Variants in METTL25 observed in about 807,000 individuals in gnomAD.
METTL25 encodes probable methyltransferase-like protein 25.
In METTL25, 64 loss-of-function variants were observed where a neutral mutation model predicts 71.6. The observed-to-expected ratio is 0.89, with a 90% CI of 0.73 to 1.10. The LOEUF (loss-of-function observed/expected upper bound fraction) is 1.10, where lower values mean the gene tolerates loss of function less well. METTL25 is among the 50% of genes least tolerant of loss of function. The pLI, the probability that METTL25 is intolerant of heterozygous loss-of-function variation, is 0.00. For missense variants in METTL25, 807 were observed against 707.0 expected (o/e 1.14, Z -1.60); for synonymous variants, 287 against 250.3 (o/e 1.15, Z -1.38).
intron 1 of METTL25, among the ~76,000 whole-genome samples, chr12:82,368,473 G>A (rs1157585843): frequency 2.0e-5 from 3 of 152,104 alleles, no homozygotes; most frequent in Non-Finnish European, 4.4e-5. Context: ...TCTTTTGGGG[G>A]ATATATCCGT....
intron 1 of METTL25, among the ~76,000 whole-genome samples, chr12:82,360,678 T>C (rs1349524153): frequency 6.6e-6 from 1 of 152,108 alleles, no homozygotes; most frequent in African/African-American, 2.4e-5. Context: ...CGAGGGAGCC[T>C]ACAAGGTATG....
chr12:82,420,654 A>G (rs182772367), intron 5 of METTL25, among the ~76,000 whole-genome samples: 368 of 152,280 alleles, frequency 2.4e-3, no homozygotes, highest in Middle Eastern at 6.8e-3. Context: ...ATAAATATAT[A>G]TAAGATTAAA....
chr12:82,467,294 T>G (rs920587936), intron 9 of METTL25, among the ~76,000 whole-genome samples: 9 of 152,142 alleles, frequency 5.9e-5, no homozygotes, highest in Admixed American at 2.6e-4. Flanking sequence ...CTCTTATTTA[T>G]TTTTATGATT....
At chr12:82,463,568 A>G (rs1892037105) in intron 9 of METTL25, among the ~76,000 whole-genome samples, 1 of 151,986 alleles carries the variant, frequency 6.6e-6, no homozygotes, top group South Asian at 2.1e-4. Context: ...GCTCTTTGAT[A>G]TATTGATTTC....
chr12:82,474,418 T>C (rs1398121447), intron 9 of METTL25: 4 of 152,232 alleles, frequency 2.6e-5, no homozygotes, highest in Non-Finnish European at 4.4e-5. Flanking sequence ...CTTGTCTCTT[T>C]CTTGTATGGG....
intron 5 of METTL25, chr12:82,407,719 C>A: frequency 3.1e-6 from 2 of 648,476 alleles, no homozygotes; most frequent in Non-Finnish European, 3.8e-6. Flanking sequence ...TCAAATACTT[C>A]GGAGGTCAAG....
At chr12:82,439,764 A>C (rs1195943567) in intron 8 of METTL25, 7 of 465,004 alleles carry the variant, frequency 1.5e-5, no homozygotes, top group Non-Finnish European at 2.0e-5. Flanking sequence ...TATTTACCCT[A>C]AGATGCTAAC....
At chr12:82,369,386 G>A in intron 1 of METTL25, 1 of 407,914 alleles carries the variant, frequency 2.5e-6, no homozygotes, top group Non-Finnish European at 4.8e-6. Context: ...GTTCCTCCCA[G>A]TGGGTTCTTG....
rs544956303 is a variant in METTL25, at chr12:82,413,454, A to G, written c.1279+10324A>G. On this transcript the variant is annotated intron_variant, in intron 5 of 11. Transcript: ENST00000248306. ...GTTTGATAGGTACTGTATTAGAGTT[A>G]TGTATAAGTTACATTCCAAGCATAG... Among the ~76,000 whole-genome samples, 75 of 152,232 alleles carry G rather than the reference A, an allele frequency of 4.9e-4. 1 individual carries two copies. Among genetic ancestry groups the G allele is most frequent in the African/African-American group, 1.7e-3 (70 of 41,572 alleles).
intron 6 of METTL25, among the ~76,000 whole-genome samples, chr12:82,431,959 T>G (rs1889534104): frequency 6.6e-6 from 1 of 151,716 alleles, no homozygotes; most frequent in South Asian, 2.1e-4. Flanking sequence ...AATGGTTGTA[T>G]GAGTATTCAA....
intron 11 of METTL25, among the ~76,000 whole-genome samples, chr12:82,478,490 T>A (rs1893012433): frequency 6.6e-6 from 1 of 151,768 alleles, no homozygotes; most frequent in Admixed American, 6.6e-5. Context: ...CTCTCAAATA[T>A]ATATGGTTAT....
At chr12:82,425,966 A>G (rs544698393) in intron 5 of METTL25, among the ~76,000 whole-genome samples, 1 of 152,182 alleles carries the variant, frequency 6.6e-6, no homozygotes, top group South Asian at 2.1e-4. Flanking sequence ...AAATTATGGA[A>G]GTGAGGCTAG....
At chr12:82,397,636 A>T (rs572862818) in intron 3 of METTL25, among the ~76,000 whole-genome samples, 22 of 151,850 alleles carry the variant, frequency 1.4e-4, no homozygotes, top group Admixed American at 3.3e-4. Flanking sequence ...GCAGACAAAA[A>T]TTTTTTTTCT....
rs765823431 is a variant in METTL25 at position 82,362,426 on chromosome 12, A to C, written c.259+3602A>C. On this transcript the variant is annotated intron_variant, in intron 1 of 11. Transcript: ENST00000248306. ...GTAACTTTAGTACCTGCCTGATGGGATACTGTGAAAGGTAATTCAGCTAAT... is the reference window on the plus strand; with the variant it reads ...GTAACTTTAGTACCTGCCTGATGGGCTACTGTGAAAGGTAATTCAGCTAAT... 2.3e-4 allele frequency among the ~76,000 whole-genome samples: 35 copies of C among 152,324 alleles called. 1 individual carries two copies. Among genetic ancestry groups the C allele is most frequent in the Non-Finnish European group, 4.0e-4 (27 of 68,036 alleles).
At chr12:82,380,431 GTA>G (rs202176217) in intron 1 of METTL25, among the ~76,000 whole-genome samples, 37 of 21,394 alleles carry the variant, frequency 1.7e-3, no homozygotes, top group South Asian at 0.016. Context: ...ATATGTATGT[GTA>G]TGTATATATA....
chr12:82,362,115 G>A lies in METTL25; in HGVS notation c.259+3291G>A, dbSNP rs149362234. ...ACAAAGTTTTTTCTAAAAGTCCTCA[G>A]TGTGTCCATTTCAGTAGGTTTCATG... is the stretch of plus-strand genomic sequence containing the variant. On this transcript the variant is annotated intron_variant, in intron 1 of 11. Coordinates refer to ENST00000248306, the MANE Select transcript of METTL25 (RefSeq NM_032230.3). 2.5e-3 allele frequency among the ~76,000 whole-genome samples: 387 copies of A among 152,348 alleles called. 2 individuals carry two copies. The highest frequency in any genetic ancestry group is 8.8e-3 in the African/African-American group (365 of 41,582).
intron 6 of METTL25, among the ~76,000 whole-genome samples, chr12:82,432,448 A>T (rs892883964): frequency 2.0e-5 from 3 of 151,598 alleles, no homozygotes; most frequent in Non-Finnish European, 3.0e-5. Context: ...AAAAAGAGAG[A>T]GATTAGATTT....
chr12:82,436,716 C>T (rs1307200938), intron 7 of METTL25, among the ~76,000 whole-genome samples: 1 of 151,342 alleles, frequency 6.6e-6, no homozygotes, highest in Non-Finnish European at 1.5e-5. Context: ...ATTTTAATAA[C>T]AATATAAATA....
chr12:82,410,313 A>C (rs1172457478), intron 5 of METTL25, among the ~76,000 whole-genome samples: 3 of 152,138 alleles, frequency 2.0e-5, no homozygotes, highest in Non-Finnish European at 4.4e-5. Flanking sequence ...AATGGCAATG[A>C]ATTAATCCTA....
Sources: allele counts gnomAD v4.1 joint callset (sites outside exome capture counted in the v4.1 genomes callset), GRCh38; gene constraint gnomAD v4.1.1; transcripts MANE v1.5; gene names NCBI Gene and HGNC (gene_info 2026-07-23, HGNC 2026-07-21).